The following DISC1 variants were observed in gnomAD, a reference collection of about 807,000 sequenced individuals.
DISC1 encodes DISC1 scaffold protein.
A neutral mutation model predicts 84.5 loss-of-function variants in DISC1; 57 were observed. The observed-to-expected ratio is 0.67, with a 90% CI of 0.55 to 0.84. The LOEUF (loss-of-function observed/expected upper bound fraction) is 0.84, where lower values mean the gene tolerates loss of function less well. DISC1 is among the 40% of genes least tolerant of loss of function. The probability of loss-of-function intolerance (pLI) is 0.00; values close to 1 mark genes in which losing one functional copy is unlikely to be tolerated. For missense variants in DISC1, 1,000 were observed against 1,057.8 expected, an observed-to-expected ratio of 0.95 and a Z score of 0.76; for synonymous variants, 411 against 415.2, an observed-to-expected ratio of 0.99 and a Z score of 0.12.
intron 10 of DISC1, among the ~76,000 whole-genome samples, chr1:231,963,498 C>T (rs921359920): frequency 6.6e-6 from 1 of 152,254 alleles, no homozygotes; most frequent in African/African-American, 2.4e-5. Flanking sequence ...CACCCCTCTG[C>T]ATGTGCCCTG....
At chr1:231,882,066 C>T (rs532426735) in intron 9 of DISC1, among the ~76,000 whole-genome samples, 6 of 152,342 alleles carry the variant, frequency 3.9e-5, no homozygotes, top group African/African-American at 1.2e-4. Context: ...CAGGGCACAG[C>T]GGCCACAGGA....
intron 1 of DISC1, 69 bp downstream of exon 1, chr1:231,627,003 C>A: frequency 1.7e-6 from 2 of 1,152,392 alleles, no homozygotes; most frequent in Non-Finnish European, 2.3e-6. Context: ...CGCTCTGGCC[C>A]CCAGGAAGTC....
At chr1:231,629,900 AGAGCAAAGAGAGG>A (rs892932234) in intron 1 of DISC1, among the ~76,000 whole-genome samples, 52 of 152,338 alleles carry the variant, frequency 3.4e-4, no homozygotes, top group African/African-American at 1.2e-3. Flanking sequence ...CAGGACCTTC[AGAGCAAAGAGAGG>A]GTACAATGGT....
chr1:231,915,684 A>G (rs2089572399), intron 9 of DISC1, among the ~76,000 whole-genome samples: 2 of 152,204 alleles, frequency 1.3e-5, no homozygotes, highest in East Asian at 3.9e-4. Flanking sequence ...AGGCTGAGGC[A>G]GGAGAATCGC....
chr1:231,700,964 G>A (rs1269939672), intron 2 of DISC1, among the ~76,000 whole-genome samples: 2 of 152,196 alleles, frequency 1.3e-5, no homozygotes, highest in African/African-American at 4.8e-5. Flanking sequence ...AGAATTCATT[G>A]TCAGTAAATC....
intron 3 of DISC1, among the ~76,000 whole-genome samples, chr1:231,719,540 A>C (rs1445526803): frequency 6.6e-6 from 1 of 152,114 alleles, no homozygotes; most frequent in African/African-American, 2.4e-5. Flanking sequence ...ATTCTTTCTA[A>C]GCTTTATTTT....
intron 9 of DISC1, among the ~76,000 whole-genome samples, chr1:231,834,269 C>T (rs536186170): frequency 6.6e-6 from 1 of 151,898 alleles, no homozygotes; most frequent in African/African-American, 2.4e-5. Flanking sequence ...GAATTTGGAC[C>T]TAGCTTGGCC....
intron 3 of DISC1, among the ~76,000 whole-genome samples, chr1:231,703,354 T>A (rs1371235719): frequency 6.6e-6 from 1 of 152,178 alleles, no homozygotes; most frequent in Non-Finnish European, 1.5e-5. Flanking sequence ...CCAGCGTCAG[T>A]GGCTTCAGCC....
At chr1:231,714,568 CAGAG>C (rs761500347) in intron 3 of DISC1, among the ~76,000 whole-genome samples, 1 of 150,712 alleles carries the variant, frequency 6.6e-6, no homozygotes, top group Admixed American at 6.6e-5. Context: ...GAGAAAGAGA[CAGAG>C]AGATGGAGAT....
chr1:231,950,553 T>C (rs998244150), intron 9 of DISC1, among the ~76,000 whole-genome samples: 9 of 152,148 alleles, frequency 5.9e-5, no homozygotes, highest in Non-Finnish European at 1.3e-4. Flanking sequence ...TTGGAACTGA[T>C]AGTGTTAGCT....
chr1:231,725,474 A>C (rs990204640), intron 3 of DISC1, among the ~76,000 whole-genome samples: 25 of 152,172 alleles, frequency 1.6e-4, no homozygotes, highest in Non-Finnish European at 3.2e-4. Flanking sequence ...TTTCCTAGGA[A>C]GTTCTAAATA....
At chr1:231,924,004 T>G (rs1429582375) in intron 9 of DISC1, among the ~76,000 whole-genome samples, 1 of 152,250 alleles carries the variant, frequency 6.6e-6, no homozygotes, top group Non-Finnish European at 1.5e-5. Context: ...CCTGCTGTGT[T>G]CCTTTACTTG....
chr1:232,028,825 A>C (rs1669724253), intron 12 of DISC1, among the ~76,000 whole-genome samples: 1 of 152,210 alleles, frequency 6.6e-6, no homozygotes, highest in Non-Finnish European at 1.5e-5. Context: ...TAAATGCTTG[A>C]AGGAATCAAT....
intron 11 of DISC1, among the ~76,000 whole-genome samples, chr1:232,022,593 A>T (rs1281518532): frequency 6.6e-6 from 1 of 152,144 alleles, no homozygotes; most frequent in Admixed American, 6.5e-5. Context: ...GGCGTGAGCC[A>T]CCGCACCCAG....
At position 231,795,253 on chromosome 1, in the gene DISC1, G is replaced by T. The variant is rs1358265485; in HGVS notation, c.1646G>T (p.Arg549Ile). The T allele has an allele frequency of 6.2e-7, 1 of 1,613,668 alleles. No homozygotes were observed. The change falls in exon 7 of 13, where the codon AGA becomes ATA. Residue 549 changes from arginine (R) to isoleucine (I), a missense_variant. Coordinates refer to ENST00000439617, the MANE Select transcript of DISC1 (RefSeq NM_018662.3). ...TTTAATTCTTCCAGCCTCCAGGAAA[G>T]AATAAAATCCCTCAACTTGTCACTT... Reference protein sequence around the residue: ...PPETIRSLQERIKSLNLSLKE... With the variant: ...PPETIRSLQEIIKSLNLSLKE...
intron 9 of DISC1, among the ~76,000 whole-genome samples, chr1:231,908,533 A>G (rs908040913): frequency 2.0e-5 from 3 of 152,168 alleles, no homozygotes; most frequent in East Asian, 1.9e-4. Context: ...CCATTGGTCT[A>G]TATCTCTGTT....
rs187329031 is a variant in DISC1, at chr1:231,651,072, G to A, written c.67+24138G>A. ...TTCTGAAGTCTACTTGTGTCAGCTC[G>A]TCAAAGTCATTCTCTGTCCAGCTTT... is the stretch of plus-strand genomic sequence containing the variant. On this transcript the variant is annotated intron_variant, in intron 1 of 12. Coordinates refer to ENST00000439617, the MANE Select transcript of DISC1 (RefSeq NM_018662.3). 6.6e-5 allele frequency among the ~76,000 whole-genome samples: 10 copies of A among 152,216 alleles called. No individual in the cohort carries two copies. In the East Asian group the frequency reaches 1.7e-3, roughly 26 times the overall value.
chr1:231,639,927 T>C (rs1167036271), intron 1 of DISC1, among the ~76,000 whole-genome samples: 1 of 152,222 alleles, frequency 6.6e-6, no homozygotes, highest in African/African-American at 2.4e-5. Flanking sequence ...CGTTAGTGTT[T>C]CTACAGATAT....
chr1:231,636,341 A>G (rs533365919), intron 1 of DISC1, among the ~76,000 whole-genome samples: 7 of 152,142 alleles, frequency 4.6e-5, no homozygotes, highest in African/African-American at 1.4e-4. Context: ...TCTGGGGGCA[A>G]TGGTGAAGGG....
Sources: gnomAD v4.1 joint callset for allele counts (sites outside exome capture counted in the v4.1 genomes callset) on GRCh38, gnomAD v4.1.1 for gene constraint, MANE v1.5 for transcripts, NCBI Gene and HGNC (gene_info 2026-07-23, HGNC 2026-07-21) for gene names.